Variants in GRHL2 observed in about 807,000 individuals in gnomAD.
GRHL2 encodes the protein grainyhead like transcription factor 2.
Under a neutral mutation model 83.8 loss-of-function variants are expected in GRHL2, and 21 were observed. The ratio of observed to expected loss-of-function variants is 0.25; its 90% CI spans 0.18 to 0.36. GRHL2 has a LOEUF of 0.36. Among genes scored for constraint, GRHL2 ranks in the 10% least tolerant of loss-of-function variants. The probability of loss-of-function intolerance (pLI) is 1.00; values close to 1 mark genes in which losing one functional copy is unlikely to be tolerated. For synonymous variants in GRHL2, 280 were observed against 278.9 expected (o/e 1.00, Z -0.04); for missense variants, 623 against 781.8 (o/e 0.80, Z 2.42).
At chr8:101,543,188 T>TA in intron 1 of GRHL2, 53 bp from the exon 2 acceptor site, 3 of 1,336,380 alleles carry the variant, frequency 2.2e-6, no homozygotes, top group Non-Finnish European at 3.2e-6. Context: ...TTATTAGGGG[T>TA]AAAAAATTTG....
At chr8:101,574,281 G>A (rs936513399) in intron 6 of GRHL2, among the ~76,000 whole-genome samples, 2 of 152,180 alleles carry the variant, frequency 1.3e-5, no homozygotes, top group Non-Finnish European at 2.9e-5. Context: ...GCTTTCTCAG[G>A]GTTCCAGAGA....
At chr8:101,621,940 G>T (rs1458879463) in intron 9 of GRHL2, among the ~76,000 whole-genome samples, 2 of 151,900 alleles carry the variant, frequency 1.3e-5, no homozygotes, top group African/African-American at 4.8e-5. Context: ...AAAAAGTAGG[G>T]GGATGGAATA....
intron 1 of GRHL2, among the ~76,000 whole-genome samples, chr8:101,519,127 C>T (rs943151675): frequency 6.6e-6 from 1 of 151,884 alleles, no homozygotes; most frequent in African/African-American, 2.4e-5. Flanking sequence ...CCTGAAATCT[C>T]TACTCATTTT....
At chr8:101,527,368 TA>T (rs928355596) in intron 1 of GRHL2, among the ~76,000 whole-genome samples, 1 of 152,170 alleles carries the variant, frequency 6.6e-6, no homozygotes. Context: ...CATTATTACA[TA>T]AAAAATTTTT....
intron 7 of GRHL2, among the ~76,000 whole-genome samples, chr8:101,585,689 C>T (rs1242660718): frequency 2.4e-4 from 37 of 152,200 alleles, no homozygotes; most frequent in Non-Finnish European, 5.9e-5. Flanking sequence ...TTCATCTCAA[C>T]CTTGATTAGA....
intron 7 of GRHL2, among the ~76,000 whole-genome samples, chr8:101,585,064 T>C (rs1812136707): frequency 6.6e-6 from 1 of 152,046 alleles, no homozygotes; most frequent in Non-Finnish European, 1.5e-5. Context: ...GGCAGCCAGG[T>C]GGTCAGGTAG....
intron 1 of GRHL2, among the ~76,000 whole-genome samples, chr8:101,510,230 C>T (rs536604911): frequency 1.5e-4 from 23 of 152,140 alleles, no homozygotes; most frequent in Middle Eastern, 3.4e-3. Flanking sequence ...CTCCTGGGCT[C>T]GAGTGATCAG....
downstream of GRHL2, among the ~76,000 whole-genome samples, chr8:101,671,541 G>A (rs950117046): frequency 5.9e-5 from 9 of 152,314 alleles, no homozygotes; most frequent in African/African-American, 1.4e-4. Flanking sequence ...TGGGAAGCTC[G>A]AACTGGGTGG....
chr8:101,519,778 A>G (rs955158156), intron 1 of GRHL2, among the ~76,000 whole-genome samples: 7 of 152,198 alleles, frequency 4.6e-5, no homozygotes, highest in African/African-American at 1.7e-4. Context: ...ATATTCACAT[A>G]ACATATGCAT....
In GRHL2 at chr8:101,492,744, A is replaced by G; in HGVS notation, c.-26A>G. 1 of 1,609,234 alleles carries G rather than the reference A, an allele frequency of 6.2e-7. No homozygotes were observed. Among genetic ancestry groups the G allele is most frequent in the Non-Finnish European group, 8.5e-7 (1 of 1,175,522 alleles). Reference sequence around the variant, plus strand: ...CACCAGAGGCTGAGGCTCCAGGAAAAGCGGAGCAAGTTCATTGGATCAAAC... The same window carrying G: ...CACCAGAGGCTGAGGCTCCAGGAAAGGCGGAGCAAGTTCATTGGATCAAAC... On this transcript the variant is annotated 5_prime_UTR_variant, in exon 1 of 16. Coordinates refer to ENST00000646743, the MANE Select transcript of GRHL2 (RefSeq NM_024915.4).
chr8:101,671,920 C>T (rs1051169222), downstream of GRHL2, among the ~76,000 whole-genome samples: 21 of 152,156 alleles, frequency 1.4e-4, no homozygotes, highest in African/African-American at 4.3e-4. Context: ...CTGCAGCCAC[C>T]GCTGCTGATA....
chr8:101,512,126 TA>T (rs554176890), intron 1 of GRHL2, among the ~76,000 whole-genome samples: 148 of 152,216 alleles, frequency 9.7e-4, no homozygotes, highest in Middle Eastern at 3.4e-3. Context: ...TAGTCTACTT[TA>T]AAAAAATCTC....
At chr8:101,499,622 T>A (rs577471489) in intron 1 of GRHL2, among the ~76,000 whole-genome samples, 131 of 152,208 alleles carry the variant, frequency 8.6e-4, no homozygotes, top group Non-Finnish European at 1.5e-3. Context: ...TTGCAGCAGA[T>A]GATGTCAACT....
chr8:101,537,220 A>G (rs1020901128), intron 1 of GRHL2, among the ~76,000 whole-genome samples: 4 of 152,212 alleles, frequency 2.6e-5, no homozygotes, highest in Non-Finnish European at 5.9e-5. Context: ...GATTCTATGT[A>G]GAAATACAGA....
intron 8 of GRHL2, among the ~76,000 whole-genome samples, chr8:101,608,230 G>T (rs1335206717): frequency 6.6e-6 from 1 of 152,194 alleles, no homozygotes; most frequent in Admixed American, 6.5e-5. Flanking sequence ...CTTACCTGAG[G>T]TTGCACAGCT....
At chr8:101,596,127 AAAAAT>A (rs775788890) in intron 7 of GRHL2, among the ~76,000 whole-genome samples, 15 of 13,484 alleles carry the variant, frequency 1.1e-3, no homozygotes, top group African/African-American at 2.3e-3. Context: ...CTCAAAAAAT[AAAAAT>A]AAAAAAAATA....
At chr8:101,664,968 G>A (rs1018726025) in intron 15 of GRHL2, among the ~76,000 whole-genome samples, 4 of 152,188 alleles carry the variant, frequency 2.6e-5, no homozygotes, top group Admixed American at 6.5e-5. Flanking sequence ...CATTGGACCT[G>A]TGTGTTCTCA....
chr8:101,661,904 GTC>G (rs1280303900), intron 14 of GRHL2, among the ~76,000 whole-genome samples: 1 of 152,162 alleles, frequency 6.6e-6, no homozygotes, highest in East Asian at 1.9e-4. Flanking sequence ...TGCTATTTCT[GTC>G]CAGGAAGTTC....
intron 14 of GRHL2, among the ~76,000 whole-genome samples, chr8:101,652,374 AT>A (rs1563626868): frequency 1.1e-5 from 1 of 92,366 alleles, no homozygotes. Flanking sequence ...TGTGTGTCTG[AT>A]GTGTGTGTGG....
Sources: allele counts gnomAD v4.1 joint callset (sites outside exome capture counted in the v4.1 genomes callset), GRCh38; gene constraint gnomAD v4.1.1; transcripts MANE v1.5; gene names NCBI Gene and HGNC (gene_info 2026-07-23, HGNC 2026-07-21).